Variants in FGD5 observed in about 807,000 individuals in gnomAD.
FGD5 encodes the protein FYVE, RhoGEF and PH domain-containing protein 5.
FGD5 carries 28 observed loss-of-function variants against 133.4 expected under a neutral mutation model. That is an observed-to-expected ratio of 0.21 (90% CI 0.16 to 0.29). FGD5 has a LOEUF of 0.29. Ranked by LOEUF, FGD5 falls within the 10% of genes least tolerant of loss-of-function variation. The pLI is 1.00. For missense variants in FGD5, 1,858 were observed against 1,895.2 expected (o/e 0.98, Z 0.36); for synonymous variants, 810 against 776.5 (o/e 1.04, Z -0.72).
At chr3:14,898,643 G>T in intron 6 of FGD5, 96 bp from the exon 7 acceptor site, 1 of 951,730 alleles carries the variant, frequency 1.1e-6, no homozygotes, top group Non-Finnish European at 1.6e-6. Context: ...GGCCCGGGAA[G>T]AGGTGTGGAT....
intron 2 of FGD5, among the ~76,000 whole-genome samples, chr3:14,874,219 G>A (rs1349492872): frequency 6.6e-6 from 1 of 152,178 alleles, no homozygotes; most frequent in East Asian, 1.9e-4. Flanking sequence ...GCACTTACAT[G>A]AGGTGTCTAA....
chr3:14,856,522 G>C (rs2037281564), intron 1 of FGD5, among the ~76,000 whole-genome samples: 1 of 152,032 alleles, frequency 6.6e-6, no homozygotes, highest in Non-Finnish European at 1.5e-5. Flanking sequence ...ATGTCTATTT[G>C]TTGGTATCCT....
At chr3:14,911,641 T>C (rs1444497979) in intron 11 of FGD5, among the ~76,000 whole-genome samples, 1 of 151,844 alleles carries the variant, frequency 6.6e-6, no homozygotes, top group African/African-American at 2.4e-5. Flanking sequence ...TTCCAGGCGT[T>C]GACTGAGCAC....
intron 2 of FGD5, among the ~76,000 whole-genome samples, chr3:14,873,497 C>T (rs546863860): frequency 3.3e-5 from 5 of 152,220 alleles, no homozygotes; most frequent in South Asian, 4.2e-4. Flanking sequence ...AGCCATTAGC[C>T]GGCTGTTTGA....
intron 16 of FGD5, among the ~76,000 whole-genome samples, chr3:14,923,620 G>A (rs2038730049): frequency 6.6e-6 from 1 of 152,192 alleles, no homozygotes; most frequent in Non-Finnish European, 1.5e-5. Context: ...GAGAGACCTG[G>A]TCAGTGCTGA....
intron 1 of FGD5, 43 bp downstream of exon 1, chr3:14,821,639 T>A (rs752258487): frequency 6.7e-7 from 1 of 1,494,572 alleles, no homozygotes; most frequent in Non-Finnish European, 8.9e-7. Context: ...CAGCTGTAAC[T>A]GTCCAGGAGG....
chr3:14,909,653 A>G (rs748736210), intron 10 of FGD5, among the ~76,000 whole-genome samples: 1 of 152,256 alleles, frequency 6.6e-6, no homozygotes, highest in Non-Finnish European at 1.5e-5. Context: ...GCAAATGTAC[A>G]AAGAGGATAT....
chr3:14,873,723 C>CTTTTTTTTTCTTT (rs2037657322), intron 2 of FGD5, among the ~76,000 whole-genome samples: 1 of 132,204 alleles, frequency 7.6e-6, no homozygotes. Flanking sequence ...AAGAGCTACA[C>CTTTTTTTTTCTTT]TTTTTTTTTT....
At chr3:14,906,411 G>T (rs1456354580) in intron 9 of FGD5, among the ~76,000 whole-genome samples, 3 of 152,172 alleles carry the variant, frequency 2.0e-5, no homozygotes, top group Non-Finnish European at 2.9e-5. Context: ...CCCGTCCTAG[G>T]GTGCAGCTTT....
chr3:14,922,500 C>T lies in FGD5; in HGVS notation c.3759C>T (p.Cys1253=), dbSNP rs1485689497. 1.9e-6 allele frequency: 3 copies of T among 1,582,158 alleles called. No individual in the cohort carries two copies. Among genetic ancestry groups the T allele is most frequent in the East Asian group, 2.3e-5 (1 of 43,134 alleles). Residue 1253 remains cysteine, a synonymous_variant, in exon 15 of 20, where the codon TGC becomes TGT. Coordinates refer to ENST00000285046, the MANE Select transcript of FGD5 (RefSeq NM_152536.4). The surrounding 1 kb of genome is among the most constrained non-coding windows in gnomAD (Gnocchi z 4.1). ...TCATGATGTGCATGAACTGCGGCTG[C>T]GACTTCTCCCTCACCCTGCGGCGTC... ...THVMMCMNCG[C]DFSLTLRRHH...
chr3:14,860,808 T>A (rs865923710), intron 1 of FGD5, among the ~76,000 whole-genome samples: 1,498 of 148,296 alleles, frequency 0.01, 10 homozygotes, highest in Non-Finnish European at 0.013. Flanking sequence ...ACCCCTTTTT[T>A]AAAAAAAAAA....
Position 14,910,882 on chromosome 3 carries a change from C to T in FGD5, c.3358C>T (p.Leu1120=). ...PGREFLKEGT[L]MKVTGKNRRP... ...ACAGGAGTTTCTGAAGGAAGGGACG[C>T]TGATGAAAGTAACAGGGAAAAACAG... Residue 1120 remains leucine, a synonymous_variant, in exon 11 of 20, where the codon CTG becomes TTG. Transcript: ENST00000285046. The T allele has an allele frequency of 6.2e-7, 1 of 1,613,422 alleles. No homozygotes were observed. Among genetic ancestry groups the T allele is most frequent in the Non-Finnish European group, 8.5e-7 (1 of 1,179,692 alleles).
intron 2 of FGD5, 40 bp from the exon 3 acceptor site, chr3:14,880,532 T>A: frequency 6.2e-7 from 1 of 1,605,502 alleles, no homozygotes; most frequent in South Asian, 1.1e-5. Context: ...TAGAAACCAC[T>A]GATGCCTGTC....
At chr3:14,864,107 C>T (rs1300781800) in intron 1 of FGD5, 21 bp from the exon 2 acceptor site, 1 of 1,606,754 alleles carries the variant, frequency 6.2e-7, no homozygotes, top group Non-Finnish European at 8.5e-7. Context: ...TTTAACCCTT[C>T]TTTCCCCTGC....
Position 14,864,237 on chromosome 3 carries a change from A to G in FGD5, c.2635A>G (p.Arg879Gly), listed in dbSNP as rs1448373431. 22 of 1,614,006 alleles carry G rather than the reference A, an allele frequency of 1.4e-5. No individual in the cohort carries two copies. The highest frequency in any genetic ancestry group is 5.0e-5 in the Admixed American group (3 of 60,018). The part of the protein sequence containing the change: ...RSSEEEDSAS[R>G]DPSVTHKVEG... Reference sequence around the variant, plus strand: ...CTCGGAGGAGGAGGACAGTGCTTCAAGAGACCCCAGTGTCACCCACAAGGT... The same window carrying G: ...CTCGGAGGAGGAGGACAGTGCTTCAGGAGACCCCAGTGTCACCCACAAGGT... The change falls in exon 2 of 20, where the codon AGA (arginine) becomes GGA (glycine). Residue 879 changes from arginine to glycine, a missense_variant. Physicochemically the swap from Arg to Gly is moderately radical, Grantham distance 125. Transcript: ENST00000285046.
In FGD5 at chr3:14,862,562, C is replaced by T. The variant is rs567393662; in HGVS notation, c.2526-1566C>T. ...CTTTGGCACACCTCAGCAAGCCTGG[C>T]GGGGTGTTATTTCTTTGTATACCTT... is the stretch of plus-strand genomic sequence containing the variant. On this transcript the variant is annotated intron_variant, in intron 1 of 19. Coordinates refer to ENST00000285046, the MANE Select transcript of FGD5 (RefSeq NM_152536.4). Among the ~76,000 whole-genome samples, 11 of 152,214 alleles carry T rather than the reference C, an allele frequency of 7.2e-5. No individual in the cohort carries two copies. In the South Asian group the frequency reaches 1.9e-3, roughly 26 times the overall value.
At chr3:14,900,905 G>A in intron 8 of FGD5, 98 bp from the exon 9 acceptor site, 1 of 1,381,222 alleles carries the variant, frequency 7.2e-7, no homozygotes, top group East Asian at 2.3e-5. Context: ...AGGCAGTAGT[G>A]GCCAAGCTGG....
At chr3:14,821,737 T>C in intron 1 of FGD5, 141 bp downstream of exon 1, 1 of 1,189,824 alleles carries the variant, frequency 8.4e-7, no homozygotes, top group East Asian at 2.6e-5. Flanking sequence ...TGAGTGGCTT[T>C]ATATCTCTGA....
chr3:14,844,489 G>A (rs1430717459), intron 1 of FGD5, among the ~76,000 whole-genome samples: 1 of 151,400 alleles, frequency 6.6e-6, no homozygotes, highest in Non-Finnish European at 1.5e-5. Context: ...GCTGAAGGCA[G>A]AGGAGAAATA....
Sources: allele counts gnomAD v4.1 joint callset (sites outside exome capture counted in the v4.1 genomes callset), GRCh38; gene constraint gnomAD v4.1.1; non-coding constraint Gnocchi (gnomAD v3.1); transcripts MANE v1.5; gene names NCBI Gene and HGNC (gene_info 2026-07-23, HGNC 2026-07-21).